LYPLAL1: variants seen among roughly 807,000 people sequenced by gnomAD.
LYPLAL1 encodes the protein lysophospholipase like 1.
In LYPLAL1, 23 loss-of-function variants were observed where a neutral mutation model predicts 19.7. That is an observed-to-expected ratio of 1.17 (90% CI 0.84 to 1.65). The LOEUF (loss-of-function observed/expected upper bound fraction) is 1.65. Ranked by LOEUF, LYPLAL1 falls within the 40% of genes most tolerant of loss-of-function variation. LYPLAL1 has a pLI of 0.00. For synonymous variants in LYPLAL1, 119 were observed against 96.3 expected (o/e 1.24, Z -1.38); for missense variants, 355 against 279.4 (o/e 1.27, Z -1.93).
chr1:219,329,380 T>C, the LYPLAL1 span, among the ~76,000 whole-genome samples: 2 of 152,214 alleles, frequency 1.3e-5, no homozygotes, highest in African/African-American at 4.8e-5. Flanking sequence ...ATTTTTTCCA[T>C]CCTGACCTAA....
chr1:219,300,596 G>A, the LYPLAL1 span, among the ~76,000 whole-genome samples: 3 of 145,792 alleles, frequency 2.1e-5, no homozygotes, highest in African/African-American at 5.1e-5. Context: ...GTGCAGTGGC[G>A]CATTCTGGGC....
At chr1:219,382,855 AGTTTT>A in the LYPLAL1 span, among the ~76,000 whole-genome samples, 2 of 151,184 alleles carry the variant, frequency 1.3e-5, no homozygotes, top group Non-Finnish European at 3.0e-5. Flanking sequence ...CATTAAAAAA[AGTTTT>A]GTTTTGTTTT....
At chr1:219,192,428 T>C (rs1402108143) in intron 2 of LYPLAL1, among the ~76,000 whole-genome samples, 1 of 151,646 alleles carries the variant, frequency 6.6e-6, no homozygotes, top group African/African-American at 2.4e-5. Flanking sequence ...CAAATTACTA[T>C]AGGCACTTTT....
the LYPLAL1 span, among the ~76,000 whole-genome samples, chr1:219,309,660 C>T: frequency 6.6e-6 from 1 of 152,182 alleles, no homozygotes; most frequent in Non-Finnish European, 1.5e-5. Context: ...GCATCTTCCT[C>T]ATTTTCTGTC....
chr1:219,301,506 T>C, the LYPLAL1 span, among the ~76,000 whole-genome samples: 1 of 152,224 alleles, frequency 6.6e-6, no homozygotes, highest in African/African-American at 2.4e-5. Context: ...ATTTAGACCA[T>C]GCTTTTATTG....
chr1:219,354,511 A>G, the LYPLAL1 span, among the ~76,000 whole-genome samples: 2 of 152,224 alleles, frequency 1.3e-5, no homozygotes, highest in Admixed American at 6.5e-5. Flanking sequence ...TTCAAATTTG[A>G]TTAAAGCAGT....
At position 219,183,490 on chromosome 1, in the gene LYPLAL1, AG is replaced by A. The variant is rs751739958; in HGVS notation, c.191+4245del. Among the ~76,000 whole-genome samples the A allele has an allele frequency of 6.4e-4, 97 of 152,180 alleles. 1 individual carries two copies. Among genetic ancestry groups the A allele is most frequent in the Non-Finnish European group, 1.3e-3 (85 of 67,922 alleles). On this transcript the variant is annotated intron_variant, in intron 2 of 4. Coordinates refer to ENST00000366928, the MANE Select transcript of LYPLAL1 (RefSeq NM_138794.5). ...TGCATAGTTAATTTTGATAAATTAT[AG>A]TACAGAGAATTTTGGTAAAATTATG...
At chr1:219,215,532 A>C (rs2125129366), downstream of LYPLAL1, among the ~76,000 whole-genome samples, 1 of 152,164 alleles carries the variant, frequency 6.6e-6, no homozygotes, top group Non-Finnish European at 1.5e-5. Context: ...ACCCATGGTG[A>C]TCAGTAGTCT....
chr1:219,193,114 A>C lies in LYPLAL1; in HGVS notation c.224A>C (p.Asn75Thr). 1 of 1,609,200 alleles carries C rather than the reference A, an allele frequency of 6.2e-7. No individual in the cohort carries two copies. Residue 75 changes from asparagine to threonine, a missense_variant, in exon 3 of 5, where the codon AAT (asparagine) becomes ACT (threonine). By Grantham distance (65) the Asn-to-Thr change is moderately conservative. Transcript: ENST00000366928. ...SYTPMKGGIS[N>T]VWFDRFKITN... Reference sequence around the variant, plus strand: ...ACTCCTATGAAAGGAGGAATCTCCAATGTATGGTTTGACAGATTTAAAATA... The same window carrying C: ...ACTCCTATGAAAGGAGGAATCTCCACTGTATGGTTTGACAGATTTAAAATA...
the LYPLAL1 span, among the ~76,000 whole-genome samples, chr1:219,429,030 T>G: frequency 6.6e-6 from 1 of 152,216 alleles, no homozygotes; most frequent in African/African-American, 2.4e-5. Context: ...TTGCTGAGAA[T>G]TGTGCCTACC....
At chr1:219,400,497 A>G in the LYPLAL1 span, among the ~76,000 whole-genome samples, 3 of 125,734 alleles carry the variant, frequency 2.4e-5, no homozygotes, top group Admixed American at 9.6e-5. Context: ...CTGTCTATCT[A>G]TCTTTTTTTT....
the LYPLAL1 span, among the ~76,000 whole-genome samples, chr1:219,327,997 A>G: frequency 2.0e-5 from 3 of 152,078 alleles, no homozygotes; most frequent in Non-Finnish European, 4.4e-5. Context: ...TGATTTTTAA[A>G]CTAAAAACTG....
the LYPLAL1 span, among the ~76,000 whole-genome samples, chr1:219,266,647 C>T: frequency 1.3e-5 from 2 of 152,072 alleles, no homozygotes; most frequent in South Asian, 2.1e-4. Context: ...TACTTTTATA[C>T]AACTGGCAGC....
chr1:219,205,185 G>A (rs372935841), intron 3 of LYPLAL1, among the ~76,000 whole-genome samples: 7 of 151,292 alleles, frequency 4.6e-5, no homozygotes, highest in South Asian at 2.1e-4. Context: ...GTGAAACCCC[G>A]TCTCTACTAC....
chr1:219,362,799 A>G, the LYPLAL1 span, among the ~76,000 whole-genome samples: 4 of 152,108 alleles, frequency 2.6e-5, no homozygotes, highest in Non-Finnish European at 5.9e-5. Context: ...AAGAGGAGTA[A>G]CACCAAAGTT....
chr1:219,370,516 TGTGG>T, the LYPLAL1 span, among the ~76,000 whole-genome samples: 1 of 152,202 alleles, frequency 6.6e-6, no homozygotes, highest in African/African-American at 2.4e-5. Flanking sequence ...TTCAGAAGAC[TGTGG>T]GCTCACAGAT....
At chr1:219,357,327 A>T in the LYPLAL1 span, among the ~76,000 whole-genome samples, 4 of 152,222 alleles carry the variant, frequency 2.6e-5, no homozygotes, top group East Asian at 7.7e-4. Context: ...CATTTTATGT[A>T]TGCTTCCCAT....
chr1:219,209,321 T>C (rs535006057), intron 3 of LYPLAL1, among the ~76,000 whole-genome samples: 1 of 152,224 alleles, frequency 6.6e-6, no homozygotes, highest in African/African-American at 2.4e-5. Context: ...TCCAAAATAA[T>C]ATTACCTGCC....
chr1:219,424,180 G>A, the LYPLAL1 span, among the ~76,000 whole-genome samples: 3 of 152,094 alleles, frequency 2.0e-5, no homozygotes, highest in South Asian at 2.1e-4. Context: ...GTAGACTTAC[G>A]TAAAAGAATT....
Sources: gnomAD v4.1 joint callset for allele counts (sites outside exome capture counted in the v4.1 genomes callset) on GRCh38, gnomAD v4.1.1 for gene constraint, MANE v1.5 for transcripts, NCBI Gene and HGNC (gene_info 2026-07-23, HGNC 2026-07-21) for gene names.